The following FNDC3B variants were observed in gnomAD, a reference collection of about 807,000 sequenced individuals.
FNDC3B encodes fibronectin type III domain-containing protein 3B.
FNDC3B carries 12 observed loss-of-function variants against 151.5 expected under a neutral mutation model. The observed-to-expected ratio is 0.08, with a 90% CI of 0.05 to 0.13. The LOEUF is 0.13. Among genes scored for constraint, FNDC3B ranks in the 10% least tolerant of loss-of-function variants. The pLI is 1.00. For synonymous variants in FNDC3B, 528 were observed against 549.0 expected (o/e 0.96, Z 0.54); for missense variants, 1,214 against 1,505.3 (o/e 0.81, Z 3.20).
intron 1 of FNDC3B, among the ~76,000 whole-genome samples, chr3:172,098,800 CCTGTG>C (rs1401716705): frequency 2.6e-5 from 4 of 152,112 alleles, no homozygotes. Flanking sequence ...GCAGTTAGGG[CCTGTG>C]AACATGGCAT....
intron 25 of FNDC3B, among the ~76,000 whole-genome samples, chr3:172,384,993 G>A (rs1455544654): frequency 6.6e-6 from 1 of 152,030 alleles, no homozygotes; most frequent in Non-Finnish European, 1.5e-5. Context: ...TTTGCTTCCT[G>A]CATTTACCAA....
intron 3 of FNDC3B, among the ~76,000 whole-genome samples, chr3:172,141,630 AGT>A (rs1220462099): frequency 2.0e-5 from 3 of 152,158 alleles, no homozygotes; most frequent in Admixed American, 2.0e-4. Context: ...TGAGGTCAGG[AGT>A]TTAAGTCCAG....
intron 2 of FNDC3B, among the ~76,000 whole-genome samples, chr3:172,113,555 G>A (rs1720088805): frequency 6.6e-6 from 1 of 152,098 alleles, no homozygotes. Context: ...TATATAATAG[G>A]TGCTCAGTAA....
rs541518169 is a variant in FNDC3B, at chr3:172,224,578, A to G, written c.188-2293A>G. 3.3e-5 allele frequency among the ~76,000 whole-genome samples: 5 copies of G among 152,264 alleles called. No individual in the cohort carries two copies. The East Asian group carries it at 7.7e-4, about 23-fold the overall frequency. ...TCACAGACTTGTTCATATGCTCACC[A>G]GTGTCCCTGTCCCTTTCCCCCTGCT... On this transcript the variant is annotated intron_variant, in intron 3 of 25. Coordinates refer to ENST00000415807, the MANE Select transcript of FNDC3B (RefSeq NM_022763.4).
In FNDC3B at chr3:172,341,414, A is replaced by G. The variant is rs538490729; in HGVS notation, c.1971+183A>G. 4.6e-5 allele frequency among the ~76,000 whole-genome samples: 7 copies of G among 152,338 alleles called. No individual in the cohort carries two copies. In the East Asian group the frequency reaches 1.3e-3, roughly 29 times the overall value. Reference sequence around the variant, plus strand: ...GTTTAGAGGTATAAGATAGGCCTAAATGATTCCCTACTGAATTGTGGTATT... The same window carrying G: ...GTTTAGAGGTATAAGATAGGCCTAAGTGATTCCCTACTGAATTGTGGTATT... On this transcript the variant is annotated intron_variant, in intron 17 of 25. Transcript: ENST00000415807.
At position 172,048,583 on chromosome 3, in the gene FNDC3B, T is replaced by G. The variant is rs9290438; in HGVS notation, c.-29+8812T>G. 1.1e-3 allele frequency among the ~76,000 whole-genome samples: 160 copies of G among 152,344 alleles called. 2 individuals carry two copies. Among genetic ancestry groups the G allele is most frequent in the African/African-American group, 3.6e-3 (149 of 41,588 alleles). On this transcript the variant is annotated intron_variant, in intron 1 of 25. Transcript: ENST00000415807. ...ATTTACACATAGAATTACTATATGATTCAGCAATTCCATTCCTATTCCTAT... is the reference window on the plus strand; with the variant it reads ...ATTTACACATAGAATTACTATATGAGTCAGCAATTCCATTCCTATTCCTAT...
At chr3:172,176,145 G>A (rs6768553) in intron 3 of FNDC3B, among the ~76,000 whole-genome samples, 118,504 of 152,142 alleles carry the variant, frequency 0.78, 46,441 homozygotes, top group African/African-American at 0.82. Flanking sequence ...AACCAACTCT[G>A]AAGTACGCAT....
intron 2 of FNDC3B, among the ~76,000 whole-genome samples, chr3:172,125,536 G>A (rs1280941837): frequency 6.6e-6 from 1 of 152,062 alleles, no homozygotes; most frequent in East Asian, 1.9e-4. Flanking sequence ...AGTTAGGAGA[G>A]GGCCTTTTGC....
At chr3:172,159,600 C>G (rs1384913446) in intron 3 of FNDC3B, among the ~76,000 whole-genome samples, 5 of 152,114 alleles carry the variant, frequency 3.3e-5, no homozygotes, top group Non-Finnish European at 5.9e-5. Context: ...AGTAAATATT[C>G]AGAAAAGTGA....
chr3:172,396,998 T>A (rs1736321788), intron 25 of FNDC3B, among the ~76,000 whole-genome samples, 166 bp from the exon 26 acceptor site: 1 of 152,234 alleles, frequency 6.6e-6, no homozygotes, highest in Non-Finnish European at 1.5e-5. Context: ...ATACCCTTTT[T>A]ATGGTTGGAA....
Position 172,347,239 on chromosome 3 carries a change from T to C in FNDC3B, c.2392T>C (p.Ser798Pro). Residue 798 changes from serine (S) to proline (P), a missense_variant, in exon 21 of 26, where the codon TCA becomes CCA. Physicochemically the swap from Ser to Pro is moderately conservative, Grantham distance 74 (BLOSUM62 -1). Coordinates refer to ENST00000415807, the MANE Select transcript of FNDC3B (RefSeq NM_022763.4). Reference protein sequence around the residue: ...ESPDSSGADISEYRLEWGEDE... With the variant: ...ESPDSSGADIPEYRLEWGEDE... Reference sequence around the variant, plus strand: ...TCCTGATAGTTCTGGTGCTGACATCTCAGAGTACAGGTTGGAATGGGGAGA... The same window carrying C: ...TCCTGATAGTTCTGGTGCTGACATCCCAGAGTACAGGTTGGAATGGGGAGA... The C allele has an allele frequency of 6.2e-7, 1 of 1,613,892 alleles. No individual in the cohort carries two copies. Among genetic ancestry groups the C allele is most frequent in the Non-Finnish European group, 8.5e-7 (1 of 1,179,872 alleles).
chr3:172,333,065 T>G, intron 13 of FNDC3B, 24 bp from the exon 14 acceptor site: 1 of 1,506,910 alleles, frequency 6.6e-7, no homozygotes. Context: ...ATACTGATGT[T>G]TCTTCCTGGC....
chr3:172,385,713 C>T (rs989535799), intron 25 of FNDC3B, among the ~76,000 whole-genome samples: 2 of 152,154 alleles, frequency 1.3e-5, no homozygotes, highest in Admixed American at 6.5e-5. Context: ...CACCCGCCAC[C>T]ACACCTGGCT....
At chr3:172,143,920 TAAA>T (rs1721769720) in intron 3 of FNDC3B, among the ~76,000 whole-genome samples, 1 of 144,442 alleles carries the variant, frequency 6.9e-6, no homozygotes, top group Non-Finnish European at 1.5e-5. Flanking sequence ...AATAAATAAA[TAAA>T]TAAATAAATA....
chr3:172,308,537 G>A (rs1470276942), intron 10 of FNDC3B, among the ~76,000 whole-genome samples: 2 of 152,206 alleles, frequency 1.3e-5, no homozygotes, highest in African/African-American at 4.8e-5. Flanking sequence ...GGCCCAGAGA[G>A]TCAGGTTGGT....
At chr3:172,126,033 G>A (rs964198779) in intron 2 of FNDC3B, among the ~76,000 whole-genome samples, 1 of 152,132 alleles carries the variant, frequency 6.6e-6, no homozygotes, top group Non-Finnish European at 1.5e-5. Context: ...GCAGAATATC[G>A]TTTTGGAGGC....
intron 6 of FNDC3B, among the ~76,000 whole-genome samples, chr3:172,285,093 A>G (rs1030617103): frequency 2.0e-5 from 3 of 151,884 alleles, no homozygotes; most frequent in African/African-American, 7.3e-5. Context: ...CCCCCAAAAC[A>G]TGCCCATTTC....
Position 172,352,896 on chromosome 3 carries a change from C to T in FNDC3B, c.2608C>T (p.Leu870=). The T allele has an allele frequency of 6.2e-7, 1 of 1,614,194 alleles. No homozygotes were observed. Residue 870 remains leucine (L), a synonymous_variant, in exon 22 of 26, where the codon CTG becomes TTG. Transcript: ENST00000415807. The surrounding 1 kb of genome is among the most constrained non-coding windows in gnomAD (Gnocchi z 4.2). ...TGACCCCGTCTCCACTCTCTGTGTCCTGGAGGAGGAGCCCCTTGATGCCTA... is the reference window on the plus strand; with the variant it reads ...TGACCCCGTCTCCACTCTCTGTGTCTTGGAGGAGGAGCCCCTTGATGCCTA... The part of the protein sequence containing the change: ...APDPVSTLCV[L]EEEPLDAYPD...
At chr3:172,336,886 G>A (rs1377404723) in intron 15 of FNDC3B, among the ~76,000 whole-genome samples, 1 of 145,968 alleles carries the variant, frequency 6.9e-6, no homozygotes, top group Non-Finnish European at 1.5e-5. Flanking sequence ...CTAGGCAACA[G>A]AGCGAAACTC....
Sources: allele counts gnomAD v4.1 joint callset (sites outside exome capture counted in the v4.1 genomes callset), GRCh38; gene constraint gnomAD v4.1.1; non-coding constraint Gnocchi (gnomAD v3.1); transcripts MANE v1.5; gene names NCBI Gene and HGNC (gene_info 2026-07-23, HGNC 2026-07-21).